IQGAP1: variants seen among roughly 807,000 people sequenced by gnomAD.
The protein encoded by IQGAP1 is ras GTPase-activating-like protein IQGAP1.
Under a neutral mutation model 215.6 loss-of-function variants are expected in IQGAP1, and 66 were observed. The ratio of observed to expected loss-of-function variants is 0.31; its 90% CI spans 0.25 to 0.38. The LOEUF (loss-of-function observed/expected upper bound fraction) is 0.38, where lower values mean the gene tolerates loss of function less well. Among genes scored for constraint, IQGAP1 ranks in the 10% least tolerant of loss-of-function variants. The pLI is 1.00. For missense variants in IQGAP1, 1,712 were observed against 1,997.1 expected, an observed-to-expected ratio of 0.86 and a Z score of 2.72; for synonymous variants, 772 against 728.7, an observed-to-expected ratio of 1.06 and a Z score of -0.96.
At chr15:90,474,042 T>TTTC (rs10657378) in intron 21 of IQGAP1, 22 bp from the exon 22 acceptor site, 551,636 of 1,609,534 alleles carry the variant, frequency 0.34, 99,830 homozygotes, top group African/African-American at 0.69. Context: ...AACAGAGAAA[T>TTTC]TTCTTCTTTT....
At chr15:90,486,824 C>G (rs1167629674) in intron 31 of IQGAP1, 130 bp from the exon 32 acceptor site, 1 of 874,824 alleles carries the variant, frequency 1.1e-6, no homozygotes, top group Non-Finnish European at 1.8e-6. Context: ...AAAAGTTGTT[C>G]TCGTCACACT....
At position 90,477,117 on chromosome 15, in the gene IQGAP1, G is replaced by A; in HGVS notation, c.2991G>A (p.Lys997=). The A allele has an allele frequency of 6.2e-7, 1 of 1,614,030 alleles. No homozygotes were observed. The highest frequency in any genetic ancestry group is 8.5e-7 in the Non-Finnish European group (1 of 1,179,992). ...AKLIFQMPQN[K]STKFMDSVIF... ...TCATTTTTCAGATGCCCCAGAACAA[G>A]TCCACCAAGTTCATGGACTCTGTAA... The change falls in exon 25 of 38, where the codon AAG becomes AAA. Residue 997 remains lysine, a synonymous_variant. Transcript: ENST00000268182.
At chr15:90,433,312 A>G (rs1225238906) in intron 4 of IQGAP1, among the ~76,000 whole-genome samples, 3 of 152,174 alleles carry the variant, frequency 2.0e-5, no homozygotes, top group Non-Finnish European at 4.4e-5. Context: ...TTCTCCATCT[A>G]GGCATGGTAG....
At chr15:90,399,004 CA>C (rs771595366) in intron 2 of IQGAP1, among the ~76,000 whole-genome samples, 10,264 of 86,738 alleles carry the variant, frequency 0.12, 633 homozygotes, top group East Asian at 0.4. Context: ...GACATTGTCT[CA>C]AAAAAAAAAA....
At chr15:90,460,650 G>C (rs1358831449) in intron 15 of IQGAP1, among the ~76,000 whole-genome samples, 2 of 152,082 alleles carry the variant, frequency 1.3e-5, no homozygotes, top group African/African-American at 4.8e-5. Flanking sequence ...AGTTTCAGCT[G>C]TTTTTCTTGA....
chr15:90,469,592 G>A (rs956859105), intron 18 of IQGAP1, among the ~76,000 whole-genome samples: 2 of 152,200 alleles, frequency 1.3e-5, no homozygotes, highest in African/African-American at 4.8e-5. Flanking sequence ...GTTTCACAGT[G>A]TTGTGAAAAC....
At chr15:90,416,566 G>A (rs558415091) in intron 2 of IQGAP1, among the ~76,000 whole-genome samples, 3 of 145,118 alleles carry the variant, frequency 2.1e-5, no homozygotes, top group African/African-American at 7.9e-5. Context: ...TCCAGCACCT[G>A]TTGTTTCCTG....
intron 2 of IQGAP1, among the ~76,000 whole-genome samples, chr15:90,397,013 T>C (rs969787717): frequency 2.0e-5 from 3 of 152,056 alleles, no homozygotes; most frequent in Non-Finnish European, 2.9e-5. Flanking sequence ...CTGCCATGCC[T>C]GGCTAATTTT....
chr15:90,392,607 T>C (rs980801877), intron 2 of IQGAP1, among the ~76,000 whole-genome samples: 2 of 152,166 alleles, frequency 1.3e-5, no homozygotes, highest in African/African-American at 4.8e-5. Flanking sequence ...GAGGGTGTTT[T>C]GGCTAACACC....
Position 90,396,132 on chromosome 15 carries a change from A to G in IQGAP1, c.155+5259A>G, listed in dbSNP as rs1964715813. Among the ~76,000 whole-genome samples, 4 of 152,336 alleles carry G rather than the reference A, an allele frequency of 2.6e-5. No individual in the cohort carries two copies. The South Asian group carries it at 8.3e-4, about 32-fold the overall frequency. ...GAGGAATTGAAAAGGTATCTTGGAA[A>G]GAAATTAGTTCTTGGGAACAAAGTC... On this transcript the variant is annotated intron_variant, in intron 2 of 37. Coordinates refer to ENST00000268182, the MANE Select transcript of IQGAP1 (RefSeq NM_003870.4).
At chr15:90,462,426 C>T (rs1342007721) in intron 15 of IQGAP1, among the ~76,000 whole-genome samples, 1 of 152,216 alleles carries the variant, frequency 6.6e-6, no homozygotes, top group Non-Finnish European at 1.5e-5. Flanking sequence ...CATAAGGACT[C>T]TGCTCCATCC....
intron 29 of IQGAP1, among the ~76,000 whole-genome samples, 172 bp from the exon 30 acceptor site, chr15:90,484,048 C>G (rs1031352196): frequency 6.6e-6 from 1 of 152,174 alleles, no homozygotes; most frequent in Non-Finnish European, 1.5e-5. Context: ...AGAAGTTATT[C>G]GAACCACTAT....
rs1965571717 is a variant in IQGAP1 at position 90,449,540 on chromosome 15, T to G, written c.1078-19T>G. 6.2e-7 allele frequency: 1 copy of G among 1,601,266 alleles called. No homozygotes were observed. Among genetic ancestry groups the G allele is most frequent in the South Asian group, 1.1e-5 (1 of 89,314 alleles). On this transcript the variant is annotated intron_variant, in intron 10 of 37. Coordinates refer to ENST00000268182, the MANE Select transcript of IQGAP1 (RefSeq NM_003870.4). ...ATAGGAATGAGTAATCTTTACATAA[T>G]TTTCTTTGCTTTGCTCAGAGTGGTC...
rs1965825442 is a variant in IQGAP1, at chr15:90,465,993, A to G, written c.1777-8A>G. 1 of 1,611,410 alleles carries G rather than the reference A, an allele frequency of 6.2e-7. No individual in the cohort carries two copies. Among genetic ancestry groups the G allele is most frequent in the African/African-American group, 1.3e-5 (1 of 74,800 alleles). Reference sequence around the variant, plus strand: ...TGACTTTAATATTTTGCTTTTAATGATATGTAGGAAATCCAGGATGAGTCA... The same window carrying G: ...TGACTTTAATATTTTGCTTTTAATGGTATGTAGGAAATCCAGGATGAGTCA... On this transcript the variant is annotated splice_region_variant and splice_polypyrimidine_tract_variant and intron_variant, in intron 15 of 37. Transcript: ENST00000268182.
Position 90,440,499 on chromosome 15 carries a change from T to C in IQGAP1, c.536-3T>C. The C allele has an allele frequency of 6.4e-7, 1 of 1,551,846 alleles. No individual in the cohort carries two copies. The highest frequency in any genetic ancestry group is 8.7e-7 in the Non-Finnish European group (1 of 1,143,522). On this transcript the variant is annotated splice_polypyrimidine_tract_variant and splice_region_variant and intron_variant, in intron 6 of 37. Coordinates refer to ENST00000268182, the MANE Select transcript of IQGAP1 (RefSeq NM_003870.4). ...TTGACTGATTATTAATTCCCTCCTG[T>C]AGAAGAAGAAATCAACAACATGAAG...
intron 26 of IQGAP1, 22 bp from the exon 27 acceptor site, chr15:90,481,938 G>A: frequency 6.2e-7 from 1 of 1,613,682 alleles, no homozygotes; most frequent in Non-Finnish European, 8.5e-7. Context: ...AACATAGTTG[G>A]GTATAATTTC....
chr15:90,413,201 G>A (rs554226105), intron 2 of IQGAP1, among the ~76,000 whole-genome samples: 93 of 152,196 alleles, frequency 6.1e-4, no homozygotes, highest in African/African-American at 2.1e-3. Flanking sequence ...GTTTATTTCT[G>A]TGGATCTAAC....
intron 2 of IQGAP1, among the ~76,000 whole-genome samples, chr15:90,422,236 C>G (rs764142456): frequency 6.6e-6 from 1 of 152,136 alleles, no homozygotes. Context: ...ATCTTTGCCA[C>G]TAGCTATTGG....
intron 33 of IQGAP1, 146 bp from the exon 34 acceptor site, chr15:90,491,187 C>T (rs1174520455): frequency 4.6e-6 from 3 of 647,848 alleles, no homozygotes; most frequent in Middle Eastern, 4.0e-4. Flanking sequence ...TTTCATCTAT[C>T]ATTTGGCAGG....
Sources: gnomAD v4.1 joint callset for allele counts (sites outside exome capture counted in the v4.1 genomes callset) on GRCh38, gnomAD v4.1.1 for gene constraint, MANE v1.5 for transcripts, NCBI Gene and HGNC (gene_info 2026-07-23, HGNC 2026-07-21) for gene names.